The following IGF2BP3 variants were observed in gnomAD, a reference collection of about 807,000 sequenced individuals.
IGF2BP3 encodes insulin like growth factor 2 mRNA binding protein 3, also known as insulin-like growth factor 2 mRNA-binding protein 3.
A neutral mutation model predicts 73.8 loss-of-function variants in IGF2BP3; 9 were observed. That is an observed-to-expected ratio of 0.12 (90% CI 0.07 to 0.21). IGF2BP3 has a LOEUF of 0.21. Ranked by LOEUF, IGF2BP3 falls within the 10% of genes least tolerant of loss-of-function variation. The probability of loss-of-function intolerance (pLI) is 1.00; values close to 1 mark genes in which losing one functional copy is unlikely to be tolerated. For synonymous variants in IGF2BP3, 258 were observed against 256.7 expected, an observed-to-expected ratio of 1.01 and a Z score of -0.05; for missense variants, 542 against 714.0, an observed-to-expected ratio of 0.76 and a Z score of 2.75.
At chr7:23,318,227 G>C (rs1260758209) in intron 11 of IGF2BP3, among the ~76,000 whole-genome samples, 1 of 152,060 alleles carries the variant, frequency 6.6e-6, no homozygotes, top group East Asian at 1.9e-4. Flanking sequence ...CACACCACAT[G>C]CCTTTGTTTG....
In IGF2BP3 at chr7:23,352,953, T is replaced by TTG. The variant is rs201298469; in HGVS notation, c.402-1369_402-1368dup. ...TGTTTTGCTTTGTTTTGTATTCATTTTGTGTGTGTGTGTTATGTTTTCAGA... is the reference window on the plus strand; with the variant it reads ...TGTTTTGCTTTGTTTTGTATTCATTTTGTGTGTGTGTGTGTTATGTTTTCAGA... On this transcript the variant is annotated intron_variant, in intron 5 of 14. Coordinates refer to ENST00000258729, the MANE Select transcript of IGF2BP3 (RefSeq NM_006547.3). Among the ~76,000 whole-genome samples the TTG allele has an allele frequency of 5.8e-4, 88 of 152,302 alleles. 1 individual carries two copies. In the South Asian group the frequency reaches 0.016, roughly 28 times the overall value.
Position 23,468,466 on chromosome 7 carries a change from A to C in IGF2BP3, c.236+16T>G, listed in dbSNP as rs775944887. ...GAGTGAGAACAGAATCGGGGCAAAC[A>C]GAAGCAGCAGCTCACCTTTGCCTTT... On this transcript the variant is annotated intron_variant, in intron 2 of 14. Transcript: ENST00000258729. 1 of 1,614,026 alleles carries C rather than the reference A, an allele frequency of 6.2e-7. No individual in the cohort carries two copies. Among genetic ancestry groups the C allele is most frequent in the South Asian group, 1.1e-5 (1 of 91,080 alleles).
intron 2 of IGF2BP3, among the ~76,000 whole-genome samples, chr7:23,428,287 C>T (rs1235026415): frequency 6.6e-6 from 1 of 151,668 alleles, no homozygotes; most frequent in Non-Finnish European, 1.5e-5. Context: ...CTGGCTAACA[C>T]GGTGAAACCC....
intron 5 of IGF2BP3, among the ~76,000 whole-genome samples, chr7:23,355,547 T>C (rs1054785959): frequency 3.0e-4 from 46 of 152,134 alleles, no homozygotes; most frequent in African/African-American, 1.1e-3. Flanking sequence ...CTGTCATCAT[T>C]ACTTAACTCT....
intron 3 of IGF2BP3, among the ~76,000 whole-genome samples, chr7:23,390,563 C>A (rs932843201): frequency 6.6e-6 from 1 of 152,148 alleles, no homozygotes; most frequent in Non-Finnish European, 1.5e-5. Flanking sequence ...AGCAGGGCAA[C>A]CCCACTCCAG....
chr7:23,320,836 T>C (rs1358569458), intron 10 of IGF2BP3, among the ~76,000 whole-genome samples: 2 of 149,448 alleles, frequency 1.3e-5, no homozygotes, highest in African/African-American at 5.0e-5. Flanking sequence ...TGGTCCCAGA[T>C]ACTCAGGGGA....
chr7:23,317,767 T>C, intron 11 of IGF2BP3, 54 bp from the exon 12 acceptor site: 1 of 1,420,804 alleles, frequency 7.0e-7, no homozygotes, highest in Non-Finnish European at 1.0e-6. Context: ...CTGATAGGCA[T>C]CTTGGGCCAA....
chr7:23,430,175 C>A (rs1210988272), intron 2 of IGF2BP3, among the ~76,000 whole-genome samples: 1 of 151,934 alleles, frequency 6.6e-6, no homozygotes, highest in Admixed American at 6.6e-5. Flanking sequence ...CCTCCACCTC[C>A]CGGGTTCAAG....
At chr7:23,447,302 G>T (rs1788089231) in intron 2 of IGF2BP3, among the ~76,000 whole-genome samples, 4 of 151,646 alleles carry the variant, frequency 2.6e-5, no homozygotes, top group Admixed American at 2.6e-4. Context: ...CAAAAAACTA[G>T]CTTATACTCC....
intron 3 of IGF2BP3, among the ~76,000 whole-genome samples, chr7:23,394,264 G>A (rs1338325646): frequency 6.6e-6 from 1 of 152,124 alleles, no homozygotes; most frequent in Admixed American, 6.6e-5. Flanking sequence ...CCCAGGAGTT[G>A]GAGACCGGCC....
intron 3 of IGF2BP3, among the ~76,000 whole-genome samples, chr7:23,386,982 G>T (rs1363478281): frequency 6.6e-6 from 1 of 151,692 alleles, no homozygotes; most frequent in African/African-American, 2.4e-5. Context: ...CAGGAGAATT[G>T]CTTGAACCTG....
intron 2 of IGF2BP3, among the ~76,000 whole-genome samples, chr7:23,464,984 G>A (rs1018546019): frequency 1.3e-5 from 2 of 152,062 alleles, no homozygotes; most frequent in East Asian, 1.9e-4. Flanking sequence ...AATTATTTTC[G>A]TAATTTTAAA....
chr7:23,321,405 C>A lies in IGF2BP3; in HGVS notation c.1204-2151G>T, dbSNP rs191720451. 2.0e-3 allele frequency among the ~76,000 whole-genome samples: 311 copies of A among 152,348 alleles called. 2 individuals are homozygous for A. The highest frequency in any genetic ancestry group is 6.8e-3 in the African/African-American group (284 of 41,578). On this transcript the variant is annotated intron_variant, in intron 10 of 14. Transcript: ENST00000258729. The stretch of plus-strand genomic sequence containing the variant: ...CACACCAGGAGATTATATCCCGCAC[C>A]TGGCTCGGAGGGTCGTACGCCCACG...
intron 3 of IGF2BP3, among the ~76,000 whole-genome samples, chr7:23,364,014 G>A (rs1458151864): frequency 2.0e-5 from 3 of 152,260 alleles, no homozygotes; most frequent in Admixed American, 6.5e-5. Context: ...CATGGCGGGT[G>A]TATCACCTGA....
intron 10 of IGF2BP3, among the ~76,000 whole-genome samples, chr7:23,340,853 T>A (rs991036665): frequency 9.6e-5 from 14 of 145,636 alleles, no homozygotes; most frequent in Non-Finnish European, 2.1e-4. Context: ...CTTTTTCTTT[T>A]TTTTTTTTTT....
chr7:23,348,521 T>C (rs185793425), intron 6 of IGF2BP3, among the ~76,000 whole-genome samples: 101 of 152,338 alleles, frequency 6.6e-4, no homozygotes, highest in Admixed American at 1.4e-3. Context: ...TCTTGTAACA[T>C]CTACTCCTGG....
chr7:23,365,324 G>A (rs572269106), intron 3 of IGF2BP3, among the ~76,000 whole-genome samples: 10 of 152,222 alleles, frequency 6.6e-5, no homozygotes, highest in African/African-American at 2.2e-4. Context: ...CTTCTGAAAA[G>A]CAATTTGTTC....
chr7:23,439,793 G>A (rs1787889742), intron 2 of IGF2BP3, among the ~76,000 whole-genome samples: 1 of 152,114 alleles, frequency 6.6e-6, no homozygotes, highest in Admixed American at 6.6e-5. Flanking sequence ...AGAAACTGAG[G>A]TGGGTGGGAG....
In IGF2BP3 at chr7:23,407,946, CAGGGGGCGGGGGGCGG is replaced by C. The variant is rs1437655923; in HGVS notation, c.285+10814_285+10829del. On this transcript the variant is annotated intron_variant, in intron 3 of 14. Coordinates refer to ENST00000258729, the MANE Select transcript of IGF2BP3 (RefSeq NM_006547.3). ...GGGTTGGTTCAACATTTGTGGGGGG[CAGGGGGCGGGGGGCGG>C]GGGGGGGGGGAGTCAATGTAATTCA... is the stretch of plus-strand genomic sequence containing the variant. 3.8e-4 allele frequency among the ~76,000 whole-genome samples: 9 copies of C among 23,446 alleles called. No individual in the cohort carries two copies. The South Asian group carries it at 4.5e-3, about 12-fold the overall frequency. 15.4% of individuals were successfully genotyped at this position (23,446 alleles called of 152,430 possible). A position where few individuals can be genotyped will look rare whatever the true frequency, so the allele number is the denominator to read the frequency against.
Sources: gnomAD v4.1 joint callset for allele counts (sites outside exome capture counted in the v4.1 genomes callset) on GRCh38, gnomAD v4.1.1 for gene constraint, MANE v1.5 for transcripts, NCBI Gene and HGNC (gene_info 2026-07-23, HGNC 2026-07-21) for gene names.